The following MERTK variants were observed in gnomAD, a reference collection of about 807,000 sequenced individuals.
The protein encoded by MERTK is tyrosine-protein kinase Mer.
In MERTK, 69 loss-of-function variants were observed where a neutral mutation model predicts 99.3. The observed-to-expected ratio is 0.70, with a 90% confidence interval of 0.57 to 0.85. The LOEUF (loss-of-function observed/expected upper bound fraction) is 0.85. Among genes scored for constraint, MERTK ranks in the 40% least tolerant of loss-of-function variants. MERTK has a pLI of 0.00. For missense variants in MERTK, 1,125 were observed against 1,249.4 expected (o/e 0.90, Z 1.50); for synonymous variants, 426 against 467.6 (o/e 0.91, Z 1.15).
At chr2:111,954,718 A>G (rs1464545515) in intron 4 of MERTK, among the ~76,000 whole-genome samples, 3 of 152,152 alleles carry the variant, frequency 2.0e-5, no homozygotes, top group Non-Finnish European at 2.9e-5. Flanking sequence ...TTAATAGAAC[A>G]GGATCTTTAA....
At chr2:111,993,756 A>G (rs1676677685) in intron 8 of MERTK, among the ~76,000 whole-genome samples, 1 of 152,164 alleles carries the variant, frequency 6.6e-6, no homozygotes, top group Admixed American at 6.5e-5. Context: ...GTCACACTGA[A>G]AGAAAAAAAA....
At chr2:111,938,881 T>C (rs888983295) in intron 2 of MERTK, among the ~76,000 whole-genome samples, 3 of 152,188 alleles carry the variant, frequency 2.0e-5, no homozygotes, top group Admixed American at 2.0e-4. Flanking sequence ...ATCCTATGTA[T>C]GTCTGTATGT....
chr2:111,997,620 T>C (rs1330648456), intron 10 of MERTK, 144 bp downstream of exon 10: 2 of 981,766 alleles, frequency 2.0e-6, no homozygotes, highest in African/African-American at 3.2e-5. Context: ...CTCAGGCAGC[T>C]TCCTGACTTA....
At position 111,957,618 on chromosome 2, in the gene MERTK, A is replaced by T. The variant is rs187691347; in HGVS notation, c.758-7573A>T. 1.2e-3 allele frequency among the ~76,000 whole-genome samples: 183 copies of T among 152,298 alleles called. 3 individuals are homozygous for T. Among genetic ancestry groups the T allele is most frequent in the East Asian group, 9.3e-3 (48 of 5,184 alleles). On this transcript the variant is annotated intron_variant, in intron 4 of 18. Transcript: ENST00000295408. Reference sequence around the variant, plus strand: ...TTTATTGCCCATTTCTCCCCCTGAAAATGTGAGCTCTATAAGGGTGGGGAT... The same window carrying T: ...TTTATTGCCCATTTCTCCCCCTGAATATGTGAGCTCTATAAGGGTGGGGAT...
intron 1 of MERTK, among the ~76,000 whole-genome samples, chr2:111,899,675 G>T (rs985257578): frequency 6.6e-6 from 1 of 152,078 alleles, no homozygotes; most frequent in Non-Finnish European, 1.5e-5. Flanking sequence ...GCGCTACCAC[G>T]TCCGGCTAAT....
At chr2:111,999,513 C>G (rs1676823739) in intron 10 of MERTK, among the ~76,000 whole-genome samples, 1 of 152,112 alleles carries the variant, frequency 6.6e-6, no homozygotes, top group Admixed American at 6.5e-5. Flanking sequence ...GTTTCCCTCG[C>G]TGGTCTTGAA....
At chr2:111,950,261 T>C (rs750867202) in intron 4 of MERTK, among the ~76,000 whole-genome samples, 29 of 152,314 alleles carry the variant, frequency 1.9e-4, no homozygotes, top group Admixed American at 7.8e-4. Flanking sequence ...ATTGCTGATA[T>C]AGTACTCTGT....
intron 13 of MERTK, among the ~76,000 whole-genome samples, chr2:112,006,174 G>A (rs965127586): frequency 1.3e-5 from 2 of 152,102 alleles, no homozygotes; most frequent in African/African-American, 4.8e-5. Context: ...GAGCTACCAC[G>A]CCTGGCCTGG....
chr2:111,978,529 C>G (rs1047300588), intron 7 of MERTK, among the ~76,000 whole-genome samples: 1 of 152,176 alleles, frequency 6.6e-6, no homozygotes, highest in Non-Finnish European at 1.5e-5. Context: ...CTCCTGACCT[C>G]AAATGATCTT....
intron 17 of MERTK, 56 bp downstream of exon 17, chr2:112,021,637 A>G: frequency 6.7e-7 from 1 of 1,500,272 alleles, no homozygotes; most frequent in Non-Finnish European, 9.3e-7. Context: ...GGGCATATTG[A>G]AAGAAATGAC....
chr2:112,024,562 C>G (rs909680180), intron 18 of MERTK, among the ~76,000 whole-genome samples: 1 of 152,208 alleles, frequency 6.6e-6, no homozygotes, highest in Non-Finnish European at 1.5e-5. Flanking sequence ...CATCTCCTCT[C>G]GAATCTAGAT....
In MERTK at chr2:112,029,210, C is replaced by T. The variant is rs2104430517; in HGVS notation, c.*346C>T. The T allele has an allele frequency of 1.0e-6, 1 of 1,001,534 alleles. No homozygotes were observed. The highest frequency in any genetic ancestry group is 4.1e-5 in the South Asian group (1 of 24,334). 62.0% of individuals were successfully genotyped at this position (1,001,534 alleles called of 1,614,324 possible). On this transcript the variant is annotated 3_prime_UTR_variant, in exon 19 of 19. Transcript: ENST00000295408. ...TGTTTTTTCAAGTTCTTTTCTTTTT[C>T]ATGACTATTAAATGTAAAAATATTT...
chr2:112,001,853 G>C (rs1433302219), intron 11 of MERTK, among the ~76,000 whole-genome samples: 3 of 152,110 alleles, frequency 2.0e-5, no homozygotes, highest in African/African-American at 7.2e-5. Context: ...AAATAGATAA[G>C]AATGACAGAA....
intron 5 of MERTK, among the ~76,000 whole-genome samples, chr2:111,967,724 G>A (rs1196597064): frequency 6.6e-6 from 1 of 152,142 alleles, no homozygotes; most frequent in Admixed American, 6.5e-5. Flanking sequence ...TGGTTAACGT[G>A]GGTCTCCTAT....
chr2:112,008,723 G>C (rs1677037837), intron 14 of MERTK: 1 of 577,666 alleles, frequency 1.7e-6, no homozygotes, highest in Admixed American at 2.8e-5. Flanking sequence ...AGAATTCTAG[G>C]AGAGTGTGAA....
Position 111,911,689 on chromosome 2 carries a change from CTTTTTTTTT to C in MERTK, c.61+12912_61+12920del, listed in dbSNP as rs34867670. ...ACAGGCATGAGCCATAGCGCCCAGC[CTTTTTTTTT>C]TTTTTTTTTTTTTTTTTTGAGTTGG... is the stretch of plus-strand genomic sequence containing the variant. On this transcript the variant is annotated intron_variant, in intron 1 of 18. Coordinates refer to ENST00000295408, the MANE Select transcript of MERTK (RefSeq NM_006343.3). 4.6e-3 allele frequency among the ~76,000 whole-genome samples: 263 copies of C among 57,744 alleles called. 2 individuals are homozygous for C. The Middle Eastern group carries it at 0.076, about 17-fold the overall frequency. The allele number at this position is 57,744 out of a possible 152,430, so 37.9% of individuals were successfully genotyped here.
intron 1 of MERTK, 25 bp downstream of exon 1, chr2:111,898,821 G>C (rs1203340057): frequency 6.4e-7 from 1 of 1,572,748 alleles, no homozygotes; most frequent in Non-Finnish European, 8.6e-7. Flanking sequence ...CTGGGGGCCA[G>C]GCGAGGGGGT....
rs374649522 is a variant in MERTK, at chr2:111,997,431, A to G, written c.1559A>G (p.Tyr520Cys). 20 of 1,613,992 alleles carry G rather than the reference A, an allele frequency of 1.2e-5. No individual in the cohort carries two copies. Among genetic ancestry groups the G allele is most frequent in the Middle Eastern group, 1.6e-4 (1 of 6,084 alleles). The change falls in exon 10 of 19, where the codon TAC becomes TGC. Residue 520 changes from tyrosine to cysteine, a missense_variant. Tyr to Cys is a radical substitution (Grantham distance 194, BLOSUM62 -2). Transcript: ENST00000295408. ...TTTATTTTGATTGGGTTGATTTTATACATCTCCTTGGCCATCAGAAAAAGA... is the reference window on the plus strand; with the variant it reads ...TTTATTTTGATTGGGTTGATTTTATGCATCTCCTTGGCCATCAGAAAAAGA... ...CGFILIGLILYISLAIRKRVQ... is the reference protein window; with the variant it reads ...CGFILIGLILCISLAIRKRVQ...
chr2:111,913,861 T>G (rs1684296952), intron 1 of MERTK, among the ~76,000 whole-genome samples: 1 of 152,206 alleles, frequency 6.6e-6, no homozygotes, highest in African/African-American at 2.4e-5. Context: ...CCTTGGAATT[T>G]TCTATGAAGA....
Sources: allele counts gnomAD v4.1 joint callset (sites outside exome capture counted in the v4.1 genomes callset), GRCh38; gene constraint gnomAD v4.1.1; transcripts MANE v1.5; gene names NCBI Gene and HGNC (gene_info 2026-07-23, HGNC 2026-07-21).